CCDC12: variants seen among roughly 807,000 people sequenced by gnomAD.
CCDC12 encodes coiled-coil domain-containing protein 12.
In CCDC12, 28 loss-of-function variants were observed where a neutral mutation model predicts 25.7. The observed-to-expected ratio is 1.09, with a 90% CI of 0.81 to 1.50. The LOEUF (loss-of-function observed/expected upper bound fraction) is 1.50, where lower values mean the gene tolerates loss of function less well. Ranked by LOEUF, CCDC12 falls within the 40% of genes most tolerant of loss-of-function variation. The probability of loss-of-function intolerance (pLI) is 0.00; values close to 1 mark genes in which losing one functional copy is unlikely to be tolerated. For missense variants in CCDC12, 198 were observed against 210.0 expected (o/e 0.94, Z 0.35); for synonymous variants, 75 against 87.7 (o/e 0.86, Z 0.81).
At chr3:46,930,293 A>AG (rs1338546730) in intron 2 of CCDC12, among the ~76,000 whole-genome samples, 2 of 152,248 alleles carry the variant, frequency 1.3e-5, no homozygotes, top group Non-Finnish European at 2.9e-5. Context: ...AAACAGGCAG[A>AG]GGGGCCATAA....
upstream of CCDC12, among the ~76,000 whole-genome samples, chr3:46,977,509 C>T (rs1438700762): frequency 8.0e-5 from 12 of 150,318 alleles, no homozygotes; most frequent in African/African-American, 2.7e-4. Context: ...TTCCCTGATC[C>T]TCCACTTCGA....
intron 1 of CCDC12, among the ~76,000 whole-genome samples, chr3:46,942,211 C>G (rs1017921392): frequency 6.6e-6 from 1 of 152,374 alleles, no homozygotes; most frequent in Non-Finnish European, 1.5e-5. Flanking sequence ...TGTGGACAAA[C>G]TGACGCAGGG....
chr3:46,974,093 C>G (rs1380034539), intron 1 of CCDC12, among the ~76,000 whole-genome samples: 3 of 152,042 alleles, frequency 2.0e-5, no homozygotes, highest in African/African-American at 4.8e-5. Flanking sequence ...AAGCCAGTCA[C>G]AGAAGGACAA....
chr3:46,958,579 G>C (rs1332345298), intron 1 of CCDC12, among the ~76,000 whole-genome samples: 1 of 152,098 alleles, frequency 6.6e-6, no homozygotes, highest in Non-Finnish European at 1.5e-5. Flanking sequence ...CCTCGGTTTG[G>C]TTCTGGAACA....
At chr3:46,940,799 A>G in intron 2 of CCDC12, 199 bp downstream of exon 2, 1 of 601,684 alleles carries the variant, frequency 1.7e-6, no homozygotes, top group Non-Finnish European at 3.0e-6. Flanking sequence ...ATGGAAAATG[A>G]GGGAAAGGAG....
At chr3:46,942,741 C>T (rs1011883921) in intron 1 of CCDC12, among the ~76,000 whole-genome samples, 10 of 152,108 alleles carry the variant, frequency 6.6e-5, no homozygotes, top group African/African-American at 2.2e-4. Flanking sequence ...AACGAGGCAG[C>T]GAGAACAAAA....
At chr3:46,951,808 T>TATATATATATATAC (rs2034136108) in intron 1 of CCDC12, among the ~76,000 whole-genome samples, 1 of 39,058 alleles carries the variant, frequency 2.6e-5, no homozygotes, top group Non-Finnish European at 5.1e-5. Context: ...AATATATATA[T>TATATATATATATAC]ATATATATAT....
intron 1 of CCDC12, among the ~76,000 whole-genome samples, chr3:46,965,263 C>T (rs961836317): frequency 7.9e-5 from 12 of 152,212 alleles, no homozygotes; most frequent in African/African-American, 2.9e-4. Context: ...ATTCCCTGCC[C>T]CCTATCAGTG....
chr3:46,968,293 A>C (rs2034697442), intron 1 of CCDC12, among the ~76,000 whole-genome samples: 1 of 152,198 alleles, frequency 6.6e-6, no homozygotes, highest in Non-Finnish European at 1.5e-5. Flanking sequence ...TCTTCAAAAA[A>C]TTAGGGCTAG....
intron 1 of CCDC12, among the ~76,000 whole-genome samples, chr3:46,964,492 G>A (rs1160740839): frequency 6.6e-6 from 1 of 152,262 alleles, no homozygotes; most frequent in Non-Finnish European, 1.5e-5. Context: ...TGACAATGGC[G>A]GTTTTGAGGA....
intron 2 of CCDC12, among the ~76,000 whole-genome samples, chr3:46,938,445 A>G (rs2033543712): frequency 6.6e-6 from 1 of 151,468 alleles, no homozygotes; most frequent in Non-Finnish European, 1.5e-5. Context: ...ATAACCTAAC[A>G]CATATACTCA....
chr3:46,958,624 G>A (rs1332578446), intron 1 of CCDC12, among the ~76,000 whole-genome samples: 4 of 152,126 alleles, frequency 2.6e-5, no homozygotes, highest in South Asian at 2.1e-4. Flanking sequence ...TCAAAGTTGC[G>A]TTACATTCCA....
intron 2 of CCDC12, among the ~76,000 whole-genome samples, chr3:46,937,993 A>G (rs114602645): frequency 0.015 from 2,285 of 152,288 alleles, 25 homozygotes; most frequent in Non-Finnish European, 0.022. Flanking sequence ...CCTGCCAGGT[A>G]CAGGATGCTA....
rs769398719 is a variant in CCDC12 at position 46,925,508 on chromosome 3, C to T, written c.192G>A (p.Pro64=). Residue 64 remains proline (P), a synonymous_variant, in exon 3 of 7, where the codon CCG becomes CCA. Transcript: ENST00000683445. ...TCCTCTTCTTCAGGTCCTCATCCTC[C>T]GGGACATAGTTCCGCAGCCTAAGTT... ...HRELRLRNYV[P]EDEDLKKRRV... 16 of 1,598,248 alleles carry T rather than the reference C, an allele frequency of 1.0e-5. No homozygotes were observed. The highest frequency in any genetic ancestry group is 2.2e-5 in the South Asian group (2 of 89,770).
intron 1 of CCDC12, among the ~76,000 whole-genome samples, chr3:46,974,070 T>C (rs2034891983): frequency 1.3e-5 from 2 of 152,164 alleles, no homozygotes; most frequent in Admixed American, 1.3e-4. Flanking sequence ...TGTGAAGACA[T>C]GCTAAGTAAA....
intron 2 of CCDC12, among the ~76,000 whole-genome samples, chr3:46,939,462 A>C (rs1458490153): frequency 1.3e-5 from 2 of 151,894 alleles, no homozygotes; most frequent in Non-Finnish European, 2.9e-5. Flanking sequence ...CTAAGAATAA[A>C]CCAGAAGACC....
chr3:46,958,343 T>C (rs1303248613), intron 1 of CCDC12, among the ~76,000 whole-genome samples: 1 of 152,230 alleles, frequency 6.6e-6, no homozygotes, highest in Non-Finnish European at 1.5e-5. Flanking sequence ...ATCTTAGTTA[T>C]AGACTAGAAG....
chr3:46,927,883 T>C (rs2033035523), intron 2 of CCDC12, among the ~76,000 whole-genome samples: 1 of 152,144 alleles, frequency 6.6e-6, no homozygotes, highest in Non-Finnish European at 1.5e-5. Flanking sequence ...TAATGCCCAC[T>C]TAACTGCCCA....
chr3:46,976,534 C>G (rs1056852894), intron 1 of CCDC12, 103 bp downstream of exon 1: 10 of 1,465,292 alleles, frequency 6.8e-6, no homozygotes, highest in African/African-American at 1.4e-5. Flanking sequence ...CATGCGCGCC[C>G]TCGGCAGCTG....
Sources: allele counts gnomAD v4.1 joint callset (sites outside exome capture counted in the v4.1 genomes callset), GRCh38; gene constraint gnomAD v4.1.1; transcripts MANE v1.5; gene names NCBI Gene and HGNC (gene_info 2026-07-23, HGNC 2026-07-21).